Variants in SHANK2 observed in about 807,000 individuals in gnomAD.
SHANK2 encodes the protein SH3 and multiple ankyrin repeat domains 2, also known as SH3 and multiple ankyrin repeat domains protein 2.
Under a neutral mutation model 133.7 loss-of-function variants are expected in SHANK2, and 43 were observed. The observed-to-expected ratio is 0.32, with a 90% CI of 0.25 to 0.41. SHANK2 has a LOEUF of 0.41. Among genes scored for constraint, SHANK2 ranks in the 10% least tolerant of loss-of-function variants. The probability of loss-of-function intolerance (pLI) is 1.00; values close to 1 mark genes in which losing one functional copy is unlikely to be tolerated. For synonymous variants in SHANK2, 1,017 were observed against 952.8 expected, an observed-to-expected ratio of 1.07 and a Z score of -1.24; for missense variants, 1,994 against 2,235.8, an observed-to-expected ratio of 0.89 and a Z score of 2.18.
chr11:71,134,387 C>T (rs1362029271), intron 3 of SHANK2, among the ~76,000 whole-genome samples: 2 of 151,768 alleles, frequency 1.3e-5, no homozygotes, highest in African/African-American at 2.4e-5. Context: ...TAAAATCCAA[C>T]GACTTGCACA....
intron 1 of SHANK2, among the ~76,000 whole-genome samples, chr11:71,249,830 C>G (rs1180008342): frequency 2.0e-5 from 3 of 152,154 alleles, no homozygotes; most frequent in Admixed American, 6.5e-5. Flanking sequence ...GTTTTTCTCT[C>G]CCATCCTTTT....
chr11:71,230,422 A>C (rs1954723787), intron 1 of SHANK2, among the ~76,000 whole-genome samples: 1 of 152,096 alleles, frequency 6.6e-6, no homozygotes, highest in Non-Finnish European at 1.5e-5. Flanking sequence ...ACAAAAAATT[A>C]TCTGGGTGTG....
At chr11:70,484,075 T>C (rs143143992) in intron 25 of SHANK2, among the ~76,000 whole-genome samples, 1 of 152,210 alleles carries the variant, frequency 6.6e-6, no homozygotes, top group East Asian at 1.9e-4. Context: ...CAAATATCAG[T>C]GGGAGAGACT....
intron 1 of SHANK2, among the ~76,000 whole-genome samples, chr11:71,248,558 T>C (rs1349127124): frequency 1.3e-5 from 2 of 152,194 alleles, no homozygotes; most frequent in African/African-American, 2.4e-5. Context: ...AGCTGGCTCA[T>C]TGGACTTCTG....
At chr11:71,138,116 G>T (rs55810713) in intron 3 of SHANK2, among the ~76,000 whole-genome samples, 39 of 55,484 alleles carry the variant, frequency 7.0e-4, no homozygotes, top group East Asian at 1.7e-3. Context: ...TAACAGTAAC[G>T]AACCACACCC....
chr11:70,731,296 C>G (rs756768288), intron 14 of SHANK2, among the ~76,000 whole-genome samples: 2 of 152,162 alleles, frequency 1.3e-5, no homozygotes, highest in Non-Finnish European at 2.9e-5. Flanking sequence ...TTTGATGGCA[C>G]CTCGGCCTAT....
rs1325712787 is a variant in SHANK2, at chr11:71,147,297, G to T, written c.30C>A (p.Asp10Glu). MPRSPTSSEDEMAQSFSDYS... is the reference protein window; with the variant it reads MPRSPTSSEEEMAQSFSDYS... ...AGTCGGAGAAGCTCTGGGCCATCTC[G>T]TCCTCGCTGGATGTTGGGCTGCGCG... is the stretch of plus-strand genomic sequence containing the variant. The change falls in exon 3 of 26, where the codon GAC (aspartate) becomes GAA (glutamate). Residue 10 changes from aspartate to glutamate, a missense_variant. By Grantham distance (45) the Asp-to-Glu change is conservative. Transcript: ENST00000601538. 14 of 1,550,818 alleles carry T rather than the reference G, an allele frequency of 9.0e-6. No individual in the cohort carries two copies. Among genetic ancestry groups the T allele is most frequent in the Non-Finnish European group, 1.2e-5 (14 of 1,146,916 alleles).
chr11:71,073,941 G>A (rs1951184248), intron 9 of SHANK2, among the ~76,000 whole-genome samples: 1 of 152,278 alleles, frequency 6.6e-6, no homozygotes, highest in South Asian at 2.1e-4. Flanking sequence ...ACTGAACAGA[G>A]TTTGCATCCC....
intron 15 of SHANK2, among the ~76,000 whole-genome samples, chr11:70,688,259 A>G (rs1443072749): frequency 6.6e-6 from 1 of 151,996 alleles, no homozygotes; most frequent in Non-Finnish European, 1.5e-5. Context: ...AACCCATCCA[A>G]CTGCTTTCAG....
intron 14 of SHANK2, among the ~76,000 whole-genome samples, chr11:70,789,064 G>A (rs559163841): frequency 2.0e-5 from 3 of 152,280 alleles, no homozygotes; most frequent in Non-Finnish European, 4.4e-5. Context: ...CCCTACGCTG[G>A]TAAATTAGAG....
intron 3 of SHANK2, among the ~76,000 whole-genome samples, chr11:71,126,447 A>C (rs1465624920): frequency 6.6e-6 from 1 of 152,178 alleles, no homozygotes; most frequent in African/African-American, 2.4e-5. Flanking sequence ...ATGTACAAGG[A>C]GATAAACGTT....
chr11:71,166,309 G>C (rs959511914), intron 2 of SHANK2, among the ~76,000 whole-genome samples: 4 of 152,176 alleles, frequency 2.6e-5, no homozygotes, highest in African/African-American at 9.7e-5. Context: ...AGTGGGAAGA[G>C]AATTTGAGCA....
chr11:70,780,173 C>T (rs1201361163), intron 14 of SHANK2, among the ~76,000 whole-genome samples: 1 of 152,190 alleles, frequency 6.6e-6, no homozygotes, highest in African/African-American at 2.4e-5. Flanking sequence ...CAATTTTAGG[C>T]TTCTCCATTG....
chr11:70,660,106 G>C (rs1485765423), intron 16 of SHANK2, among the ~76,000 whole-genome samples, 154 bp from the exon 17 acceptor site: 2 of 152,158 alleles, frequency 1.3e-5, no homozygotes, highest in Non-Finnish European at 2.9e-5. Context: ...GGAAGGGCTT[G>C]AGATTCATAC....
chr11:70,502,149 G>T (rs2059063324), intron 19 of SHANK2, 57 bp downstream of exon 19: 3 of 1,522,422 alleles, frequency 2.0e-6, no homozygotes, highest in African/African-American at 1.4e-5. Context: ...CTTTGCAAAG[G>T]GCAGCTCAGG....
intron 13 of SHANK2, 86 bp from the exon 14 acceptor site, chr11:70,798,642 C>CA: frequency 1.4e-6 from 1 of 690,874 alleles, no homozygotes; most frequent in South Asian, 1.6e-5. Context: ...TGGGCAGAGG[C>CA]AGGAGAATCA....
intron 14 of SHANK2, among the ~76,000 whole-genome samples, chr11:70,782,727 T>G (rs1353671445): frequency 1.3e-5 from 2 of 152,166 alleles, no homozygotes. Context: ...AACTGGCGCA[T>G]GGCCAAAGAC....
chr11:70,494,312 A>G (rs369888435), intron 21 of SHANK2, among the ~76,000 whole-genome samples: 1 of 152,028 alleles, frequency 6.6e-6, no homozygotes, highest in Non-Finnish European at 1.5e-5. Flanking sequence ...GGCAGTCTAT[A>G]CTTTTTTTTC....
At chr11:70,852,996 G>T (rs1949112492) in intron 11 of SHANK2, among the ~76,000 whole-genome samples, 1 of 152,152 alleles carries the variant, frequency 6.6e-6, no homozygotes, top group Non-Finnish European at 1.5e-5. Context: ...CACGTGGGAA[G>T]TTCTGCAGAG....
Sources: gnomAD v4.1 joint callset for allele counts (sites outside exome capture counted in the v4.1 genomes callset) on GRCh38, gnomAD v4.1.1 for gene constraint, MANE v1.5 for transcripts, NCBI Gene and HGNC (gene_info 2026-07-23, HGNC 2026-07-21) for gene names.